STAC: variants seen among roughly 807,000 people sequenced by gnomAD.
STAC encodes the protein SH3 and cysteine rich domain, also known as SH3 and cysteine-rich domain-containing protein.
STAC carries 43 observed loss-of-function variants against 48.8 expected under a neutral mutation model. The observed-to-expected ratio is 0.88, with a 90% CI of 0.69 to 1.14. The LOEUF is 1.14. STAC is among the 50% of genes most tolerant of loss of function. STAC has a pLI of 0.00. For missense variants in STAC, 497 were observed against 504.0 expected (o/e 0.99, Z 0.13); for synonymous variants, 193 against 179.5 (o/e 1.07, Z -0.60).
chr3:36,522,452 G>C (rs1161271898), intron 8 of STAC, among the ~76,000 whole-genome samples: 1 of 152,202 alleles, frequency 6.6e-6, no homozygotes, highest in East Asian at 1.9e-4. Flanking sequence ...GATGGGGTAA[G>C]TGCTATTATC....
intron 1 of STAC, among the ~76,000 whole-genome samples, chr3:36,430,894 A>C (rs73063811): frequency 0.023 from 3,535 of 152,254 alleles, 59 homozygotes; most frequent in East Asian, 0.026. Context: ...CCCTAATGAC[A>C]TCATTTTAAA....
intron 10 of STAC, among the ~76,000 whole-genome samples, chr3:36,530,593 C>CTTTTTT (rs577222686): frequency 2.6e-4 from 19 of 72,026 alleles, no homozygotes; most frequent in East Asian, 8.6e-4. Context: ...TTTTTTTTTT[C>CTTTTTT]TTTTTTTTTT....
chr3:36,406,924 G>A (rs1700097593), intron 1 of STAC, among the ~76,000 whole-genome samples: 1 of 152,200 alleles, frequency 6.6e-6, no homozygotes, highest in African/African-American at 2.4e-5. Flanking sequence ...ATGTATGGAT[G>A]AATGAATCAC....
chr3:36,416,641 C>T (rs941632961), intron 1 of STAC, among the ~76,000 whole-genome samples: 1 of 152,164 alleles, frequency 6.6e-6, no homozygotes, highest in Non-Finnish European at 1.5e-5. Context: ...CTTATTCTTG[C>T]ATCATGCCTC....
rs1446749055 is a variant in STAC at position 36,547,545 on chromosome 3, A to T, written c.*1256A>T. The T allele has an allele frequency of 6.6e-6, 1 of 152,648 alleles. No homozygotes were observed. Among genetic ancestry groups the T allele is most frequent in the East Asian group, 1.9e-4 (1 of 5,190 alleles). The allele number at this position is 152,648 out of a possible 1,614,324, so 9.5% of individuals were successfully genotyped here. A position where few individuals can be genotyped will look rare whatever the true frequency, so the allele number is the denominator to read the frequency against. On this transcript the variant is annotated 3_prime_UTR_variant, in exon 11 of 11. Transcript: ENST00000273183. Reference sequence around the variant, plus strand: ...TCAAACTTCCATCCTATTAGTCATTAACATGGTTAAACTTCAATTCACAAT... The same window carrying T: ...TCAAACTTCCATCCTATTAGTCATTTACATGGTTAAACTTCAATTCACAAT...
At chr3:36,517,410 G>A (rs887786765) in intron 8 of STAC, among the ~76,000 whole-genome samples, 3 of 152,186 alleles carry the variant, frequency 2.0e-5, no homozygotes, top group African/African-American at 7.2e-5. Flanking sequence ...AGCACTGTGG[G>A]AGGCCAACGC....
chr3:36,408,565 C>T (rs1700129465), intron 1 of STAC, among the ~76,000 whole-genome samples: 2 of 152,176 alleles, frequency 1.3e-5, no homozygotes, highest in South Asian at 2.1e-4. Context: ...ACAATTCTGG[C>T]CGATGAGACC....
At chr3:36,477,959 G>A (rs2125696137) in intron 2 of STAC, among the ~76,000 whole-genome samples, 1 of 152,298 alleles carries the variant, frequency 6.6e-6, no homozygotes, top group African/African-American at 2.4e-5. Flanking sequence ...CATGAGAATA[G>A]TTTAAAGGCA....
At chr3:36,423,071 C>CTT (rs1700483567) in intron 1 of STAC, among the ~76,000 whole-genome samples, 1 of 152,016 alleles carries the variant, frequency 6.6e-6, no homozygotes, top group Non-Finnish European at 1.5e-5. Context: ...CCCAAGATAC[C>CTT]GTTCATCTGT....
chr3:36,389,595 T>G (rs1371893774), intron 1 of STAC, among the ~76,000 whole-genome samples: 1 of 152,240 alleles, frequency 6.6e-6, no homozygotes. Context: ...TAACTGGTGA[T>G]AGCTGGCACA....
At chr3:36,446,227 T>C (rs190202632) in intron 2 of STAC, among the ~76,000 whole-genome samples, 2 of 152,350 alleles carry the variant, frequency 1.3e-5, no homozygotes, top group African/African-American at 4.8e-5. Flanking sequence ...TGATCATCTC[T>C]TAAGCTATCC....
intron 8 of STAC, among the ~76,000 whole-genome samples, chr3:36,513,581 G>A (rs1698595929): frequency 6.6e-6 from 1 of 152,010 alleles, no homozygotes; most frequent in African/African-American, 2.4e-5. Context: ...TCTCATCTTT[G>A]GAGTCACACA....
At chr3:36,429,369 T>A (rs767758300) in intron 1 of STAC, among the ~76,000 whole-genome samples, 1 of 152,174 alleles carries the variant, frequency 6.6e-6, no homozygotes, top group Admixed American at 6.5e-5. Flanking sequence ...AGAGAACACA[T>A]GAGGGGCGCC....
At chr3:36,516,936 A>G (rs558168937) in intron 8 of STAC, among the ~76,000 whole-genome samples, 86 of 152,288 alleles carry the variant, frequency 5.6e-4, no homozygotes, top group African/African-American at 2.0e-3. Flanking sequence ...ACACCACCCT[A>G]AGGATATAGA....
At chr3:36,507,835 GTCTA>G (rs1698441204) in intron 8 of STAC, among the ~76,000 whole-genome samples, 1 of 152,098 alleles carries the variant, frequency 6.6e-6, no homozygotes, top group Non-Finnish European at 1.5e-5. Context: ...CTGGCTAGCA[GTCTA>G]TCTATTTTGT....
intron 8 of STAC, among the ~76,000 whole-genome samples, chr3:36,509,228 A>C (rs1698476901): frequency 6.6e-6 from 1 of 152,156 alleles, no homozygotes. Flanking sequence ...TTTCTTTAAG[A>C]ATGTTGAATA....
chr3:36,437,159 C>G (rs1255765223), intron 1 of STAC, among the ~76,000 whole-genome samples: 7 of 151,628 alleles, frequency 4.6e-5, no homozygotes, highest in African/African-American at 1.7e-4. Flanking sequence ...GAAACAGGAA[C>G]ACTTTTACAC....
At chr3:36,431,028 C>T (rs981638897) in intron 1 of STAC, among the ~76,000 whole-genome samples, 1 of 152,172 alleles carries the variant, frequency 6.6e-6, no homozygotes, top group Non-Finnish European at 1.5e-5. Flanking sequence ...ACTATTTGCA[C>T]GGTATTATGA....
intron 8 of STAC, among the ~76,000 whole-genome samples, chr3:36,514,249 C>T (rs1698615325): frequency 8.0e-6 from 1 of 125,378 alleles, no homozygotes. Context: ...AAAAGGACCA[C>T]ACCGCCCACT....
Sources: gnomAD v4.1 joint callset for allele counts (sites outside exome capture counted in the v4.1 genomes callset) on GRCh38, gnomAD v4.1.1 for gene constraint, MANE v1.5 for transcripts, NCBI Gene and HGNC (gene_info 2026-07-23, HGNC 2026-07-21) for gene names.